KIF26B: variants seen among roughly 807,000 people sequenced by gnomAD.
The protein encoded by KIF26B is kinesin family member 26B.
Under a neutral mutation model 151.2 loss-of-function variants are expected in KIF26B, and 63 were observed. The ratio of observed to expected loss-of-function variants is 0.42; its 90% CI spans 0.34 to 0.51. The LOEUF is 0.51. KIF26B is among the 20% of genes least tolerant of loss of function. The pLI, the probability that KIF26B is intolerant of heterozygous loss-of-function variation, is 0.07. For synonymous variants in KIF26B, 1,357 were observed against 1,262.1 expected (o/e 1.08, Z -1.59); for missense variants, 2,813 against 2,913.6 (o/e 0.97, Z 0.79).
chr1:245,505,239 A>ATT (rs10536611), intron 4 of KIF26B, among the ~76,000 whole-genome samples: 14 of 148,308 alleles, frequency 9.4e-5, no homozygotes, highest in African/African-American at 3.2e-4. Flanking sequence ...CGCCTCGCCT[A>ATT]TTTTTTTTTT....
Position 245,482,789 on chromosome 1 carries a change from A to T in KIF26B, c.1167-57978A>T, listed in dbSNP as rs551602920. ...CAGTGAATGGTTCACCCCGAGGCAAATGCGTTCCCTAAGGAAGATATGTGC... is the reference window on the plus strand; with the variant it reads ...CAGTGAATGGTTCACCCCGAGGCAATTGCGTTCCCTAAGGAAGATATGTGC... On this transcript the variant is annotated intron_variant, in intron 4 of 14. Coordinates refer to ENST00000407071, the MANE Select transcript of KIF26B (RefSeq NM_018012.4). 1.6e-4 allele frequency among the ~76,000 whole-genome samples: 25 copies of T among 151,794 alleles called. 1 individual carries two copies. Among genetic ancestry groups the T allele is most frequent in the Middle Eastern group, 3.4e-3 (1 of 294 alleles).
At chr1:245,487,976 T>A (rs1660318669) in intron 4 of KIF26B, among the ~76,000 whole-genome samples, 1 of 152,024 alleles carries the variant, frequency 6.6e-6, no homozygotes, top group Non-Finnish European at 1.5e-5. Flanking sequence ...TTAGTAGAGA[T>A]GAGGCTTCTC....
At chr1:245,391,655 CAAAAAAAAAAA>C (rs11363343) in intron 3 of KIF26B, among the ~76,000 whole-genome samples, 5 of 88,590 alleles carry the variant, frequency 5.6e-5, no homozygotes, top group African/African-American at 1.8e-4. Context: ...GACCCTGACT[CAAAAAAAAAAA>C]AAAAAAAGAG....
chr1:245,552,404 C>T (rs1335999894), intron 5 of KIF26B, among the ~76,000 whole-genome samples: 2 of 149,782 alleles, frequency 1.3e-5, no homozygotes, highest in Admixed American at 6.7e-5. Flanking sequence ...TCAAACTCAG[C>T]TGATTTAAAT....
chr1:245,425,492 C>T (rs1231508806), intron 4 of KIF26B, among the ~76,000 whole-genome samples: 1 of 152,166 alleles, frequency 6.6e-6, no homozygotes, highest in African/African-American at 2.4e-5. Context: ...CTGCAAGCTC[C>T]ACCTCCCAGG....
In KIF26B at chr1:245,707,355, C is replaced by T. The variant is rs974568033; in HGVS notation, c.*4749C>T. The stretch of plus-strand genomic sequence containing the variant: ...ACCACACTCACACATCTATTCCATG[C>T]GTACCTAGAAATTACCTTCAACACT... On this transcript the variant is annotated 3_prime_UTR_variant, in exon 15 of 15. Transcript: ENST00000407071. 2.0e-5 allele frequency: 3 copies of T among 152,274 alleles called. No homozygotes were observed. Among genetic ancestry groups the T allele is most frequent in the Admixed American group, 6.5e-5 (1 of 15,292 alleles). The allele number at this position is 152,274 out of a possible 1,614,324, so 9.4% of individuals were successfully genotyped here.
chr1:245,233,154 C>T (rs1463468211), intron 2 of KIF26B, among the ~76,000 whole-genome samples: 11 of 152,156 alleles, frequency 7.2e-5, no homozygotes, highest in Non-Finnish European at 1.5e-4. Flanking sequence ...ATGTATGAGG[C>T]TCTGGGCATA....
chr1:245,171,132 A>G (rs1276695548), intron 2 of KIF26B, among the ~76,000 whole-genome samples: 1 of 152,224 alleles, frequency 6.6e-6, no homozygotes, highest in Non-Finnish European at 1.5e-5. Flanking sequence ...ACGGACATTG[A>G]CAGGGTCGTG....
chr1:245,226,748 C>G (rs1325296232), intron 2 of KIF26B, among the ~76,000 whole-genome samples: 1 of 152,168 alleles, frequency 6.6e-6, no homozygotes, highest in East Asian at 1.9e-4. Context: ...TAGGCATAAG[C>G]CACCGCACCT....
intron 2 of KIF26B, among the ~76,000 whole-genome samples, chr1:245,175,247 A>G (rs1404600296): frequency 6.6e-6 from 1 of 152,152 alleles, no homozygotes; most frequent in Non-Finnish European, 1.5e-5. Context: ...CCCCTAGCCA[A>G]TCTGCCTCCA....
intron 5 of KIF26B, among the ~76,000 whole-genome samples, chr1:245,590,732 A>C (rs1011831089): frequency 6.6e-6 from 1 of 151,728 alleles, no homozygotes; most frequent in East Asian, 1.9e-4. Context: ...ACATAGAAAA[A>C]CCCTGTCTGT....
intron 4 of KIF26B, among the ~76,000 whole-genome samples, chr1:245,442,745 C>T (rs74156716): frequency 7.0e-6 from 1 of 142,138 alleles, no homozygotes. Context: ...TCATCTCCCT[C>T]ACTGTTCACC....
chr1:245,697,875 C>CA lies in KIF26B; in HGVS notation c.5825-222dup, dbSNP rs199561001. On this transcript the variant is annotated intron_variant, in intron 12 of 14. Coordinates refer to ENST00000407071, the MANE Select transcript of KIF26B (RefSeq NM_018012.4). ...GGCAATATAGCAAGATGTCGTCTCT[C>CA]AAAAAAAAACATTTAATTAGCTGGG... 4.5e-3 allele frequency among the ~76,000 whole-genome samples: 675 copies of CA among 150,278 alleles called. 2 individuals carry two copies. The highest frequency in any genetic ancestry group is 8.9e-3 in the African/African-American group (366 of 40,902).
intron 2 of KIF26B, among the ~76,000 whole-genome samples, chr1:245,201,921 T>C (rs922132805): frequency 1.3e-5 from 2 of 152,236 alleles, no homozygotes; most frequent in East Asian, 3.8e-4. Flanking sequence ...TTTTATTTCC[T>C]GTTGGGGTTT....
intron 2 of KIF26B, among the ~76,000 whole-genome samples, chr1:245,224,381 G>C (rs1669835473): frequency 6.6e-6 from 1 of 152,148 alleles, no homozygotes; most frequent in Non-Finnish European, 1.5e-5. Flanking sequence ...CAGGAAGGGC[G>C]TATACGCAGT....
chr1:245,226,613 A>G (rs1054278224), intron 2 of KIF26B, among the ~76,000 whole-genome samples: 2 of 151,774 alleles, frequency 1.3e-5, no homozygotes, highest in Admixed American at 6.6e-5. Context: ...ACAGGCATGC[A>G]CCACCACGCC....
Position 245,563,998 on chromosome 1 carries a change from A to T in KIF26B, c.1350+23048A>T, listed in dbSNP as rs2103118413. ...AACCACCAGAATTAGGTTCCTCCAC[A>T]CCAAATGTGATCATTTCATTTCGCA... On this transcript the variant is annotated intron_variant, in intron 5 of 14. Coordinates refer to ENST00000407071, the MANE Select transcript of KIF26B (RefSeq NM_018012.4). The surrounding 1 kb of genome is among the most constrained non-coding windows in gnomAD (Gnocchi z 4.6). Among the ~76,000 whole-genome samples the T allele has an allele frequency of 6.6e-6, 1 of 152,154 alleles. No homozygotes were observed. Among genetic ancestry groups the T allele is most frequent in the Non-Finnish European group, 1.5e-5 (1 of 67,994 alleles).
At chr1:245,305,892 G>A (rs892864316) in intron 2 of KIF26B, among the ~76,000 whole-genome samples, 5 of 132,168 alleles carry the variant, frequency 3.8e-5, no homozygotes, top group Admixed American at 9.0e-5. Flanking sequence ...AGCCGAGATC[G>A]CACCACTGCA....
intron 2 of KIF26B, among the ~76,000 whole-genome samples, chr1:245,220,062 G>A (rs1669732823): frequency 6.6e-6 from 1 of 152,192 alleles, no homozygotes; most frequent in Non-Finnish European, 1.5e-5. Flanking sequence ...GCCTTCAGGA[G>A]GGGTCCTTGC....
Sources: allele counts gnomAD v4.1 joint callset (sites outside exome capture counted in the v4.1 genomes callset), GRCh38; gene constraint gnomAD v4.1.1; non-coding constraint Gnocchi (gnomAD v3.1); transcripts MANE v1.5; gene names NCBI Gene and HGNC (gene_info 2026-07-23, HGNC 2026-07-21).